The following STK3 variants were observed in gnomAD, a reference collection of about 807,000 sequenced individuals.
STK3 encodes serine/threonine-protein kinase 3.
In STK3, 41 loss-of-function variants were observed where a neutral mutation model predicts 58.0. The observed-to-expected ratio is 0.71, with a 90% confidence interval of 0.55 to 0.92. The LOEUF (loss-of-function observed/expected upper bound fraction) is 0.92. STK3 is among the 40% of genes least tolerant of loss of function. The pLI is 0.00. For synonymous variants in STK3, 170 were observed against 191.0 expected, an observed-to-expected ratio of 0.89 and a Z score of 0.91; for missense variants, 479 against 602.7, an observed-to-expected ratio of 0.79 and a Z score of 2.15.
chr8:98,824,860 C>T (rs972470910), intron 1 of STK3, among the ~76,000 whole-genome samples: 1 of 152,204 alleles, frequency 6.6e-6, no homozygotes, highest in Admixed American at 6.5e-5. Flanking sequence ...TTAGCAACAT[C>T]AAACAATTCG....
At chr8:98,352,688 G>C in the STK3 span, among the ~76,000 whole-genome samples, 2 of 152,106 alleles carry the variant, frequency 1.3e-5, no homozygotes. Flanking sequence ...ATTTTAAAAA[G>C]TCATCCAGCA....
intron 9 of STK3, among the ~76,000 whole-genome samples, chr8:98,536,011 A>G (rs1335114776): frequency 6.6e-6 from 1 of 151,958 alleles, no homozygotes; most frequent in Non-Finnish European, 1.5e-5. Flanking sequence ...GAAGCAGACT[A>G]CTCCTTGGTG....
intron 3 of STK3, among the ~76,000 whole-genome samples, chr8:98,838,891 G>A (rs1237140717): frequency 1.3e-5 from 2 of 151,496 alleles, no homozygotes; most frequent in East Asian, 3.9e-4. Context: ...TACCATCGAG[G>A]CCGTTTACCT....
chr8:98,739,038 G>A (rs1277648732), intron 4 of STK3, among the ~76,000 whole-genome samples: 2 of 152,254 alleles, frequency 1.3e-5, no homozygotes, highest in East Asian at 1.9e-4. Context: ...GAGGCTGGGG[G>A]AGGGGCGCCC....
intron 1 of STK3, among the ~76,000 whole-genome samples, chr8:98,384,747 C>T (rs1473469219): frequency 6.6e-6 from 1 of 152,184 alleles, no homozygotes; most frequent in Non-Finnish European, 1.5e-5. Flanking sequence ...TCCTGCTGGC[C>T]CCATGTCTGC....
intron 10 of STK3, among the ~76,000 whole-genome samples, chr8:98,496,438 T>A (rs1823141385): frequency 6.6e-6 from 1 of 152,144 alleles, no homozygotes; most frequent in African/African-American, 2.4e-5. Flanking sequence ...TATTTTGTAA[T>A]AAATTTAACA....
chr8:98,422,315 C>CT (rs1818183089), intron 3 of STK3, among the ~76,000 whole-genome samples: 1 of 152,166 alleles, frequency 6.6e-6, no homozygotes, highest in Non-Finnish European at 1.5e-5. Flanking sequence ...AATCTCTCCC[C>CT]TCCCCCCACT....
At chr8:98,825,869 C>T (rs1351867650), upstream of STK3, among the ~76,000 whole-genome samples, 1 of 47,556 alleles carries the variant, frequency 2.1e-5, no homozygotes, top group South Asian at 9.4e-4. Context: ...CCCCGCCCCG[C>T]CCCCGGCCGC....
intron 3 of STK3, among the ~76,000 whole-genome samples, chr8:98,406,854 T>C (rs1256581163): frequency 2.0e-5 from 3 of 152,228 alleles, no homozygotes; most frequent in Admixed American, 2.0e-4. Flanking sequence ...TCCTTCTTCC[T>C]GTGCGATATA....
intron 6 of STK3, among the ~76,000 whole-genome samples, chr8:98,622,606 TA>T (rs1264606337): frequency 1.3e-5 from 2 of 152,214 alleles, no homozygotes; most frequent in African/African-American, 2.4e-5. Context: ...AGAAGAACTA[TA>T]TTAATACATA....
downstream of STK3, among the ~76,000 whole-genome samples, chr8:98,400,287 C>G (rs962611622): frequency 2.0e-5 from 3 of 152,184 alleles, no homozygotes; most frequent in Non-Finnish European, 4.4e-5. Flanking sequence ...GCCCGTGAGC[C>G]CTGGACTCAT....
At chr8:98,496,964 T>C (rs1265045277) in intron 10 of STK3, among the ~76,000 whole-genome samples, 8 of 152,098 alleles carry the variant, frequency 5.3e-5, no homozygotes, top group African/African-American at 1.9e-4. Flanking sequence ...TGGTTTTTTT[T>C]AACCAAAATA....
chr8:98,403,849 G>C (rs1270910980), intron 3 of STK3, among the ~76,000 whole-genome samples: 2 of 152,246 alleles, frequency 1.3e-5, no homozygotes, highest in African/African-American at 4.8e-5. Flanking sequence ...ATATGGTGGG[G>C]CACCCTCAGC....
chr8:98,804,171 T>G (rs1833762914), intron 1 of STK3, among the ~76,000 whole-genome samples: 1 of 151,944 alleles, frequency 6.6e-6, no homozygotes, highest in Admixed American at 6.6e-5. Flanking sequence ...CTGGCTAATT[T>G]TTGTATTTTT....
chr8:98,659,368 T>C (rs868515870), intron 6 of STK3, among the ~76,000 whole-genome samples: 1 of 151,998 alleles, frequency 6.6e-6, no homozygotes, highest in Non-Finnish European at 1.5e-5. Flanking sequence ...ATACAAATGA[T>C]TCACAAAAGA....
chr8:98,560,981 CGT>C (rs1380594534), intron 8 of STK3, among the ~76,000 whole-genome samples: 1 of 151,980 alleles, frequency 6.6e-6, no homozygotes, highest in African/African-American at 2.4e-5. Flanking sequence ...TGCAGTGAGC[CGT>C]GATTGCTGTC....
At chr8:98,496,173 C>T (rs1220019150) in intron 10 of STK3, among the ~76,000 whole-genome samples, 1 of 151,938 alleles carries the variant, frequency 6.6e-6, no homozygotes, top group Admixed American at 6.6e-5. Context: ...CAGAGCAGGT[C>T]CTCAATATAT....
intron 7 of STK3, among the ~76,000 whole-genome samples, chr8:98,590,313 G>A (rs564181363): frequency 8.5e-5 from 13 of 152,236 alleles, no homozygotes; most frequent in Middle Eastern, 3.4e-3. Context: ...CCCTGATGCC[G>A]TTCCTTTCTT....
intron 3 of STK3, among the ~76,000 whole-genome samples, chr8:98,865,126 C>T (rs1355256168): frequency 6.6e-6 from 1 of 152,136 alleles, no homozygotes; most frequent in Non-Finnish European, 1.5e-5. Flanking sequence ...CGTGGTGGCT[C>T]ACACCTGTAA....
Sources: gnomAD v4.1 joint callset for allele counts (sites outside exome capture counted in the v4.1 genomes callset) on GRCh38, gnomAD v4.1.1 for gene constraint, MANE v1.5 for transcripts, NCBI Gene and HGNC (gene_info 2026-07-23, HGNC 2026-07-21) for gene names.